THRB: variants seen among roughly 807,000 people sequenced by gnomAD.
THRB encodes nuclear receptor subfamily 1 group A member 2.
A neutral mutation model predicts 47.8 loss-of-function variants in THRB; 12 were observed. That is an observed-to-expected ratio of 0.25 (90% CI 0.16 to 0.41). The LOEUF (loss-of-function observed/expected upper bound fraction) is 0.41, where lower values mean the gene tolerates loss of function less well. Ranked by LOEUF, THRB falls within the 10% of genes least tolerant of loss-of-function variation. THRB has a pLI of 1.00. For synonymous variants in THRB, 218 were observed against 212.2 expected (o/e 1.03, Z -0.24); for missense variants, 348 against 589.2 (o/e 0.59, Z 4.24).
chr3:24,128,258 G>C (rs1233610426), intron 9 of THRB, among the ~76,000 whole-genome samples: 9 of 152,180 alleles, frequency 5.9e-5, no homozygotes, highest in Non-Finnish European at 1.2e-4. Flanking sequence ...CAAAGCTAGA[G>C]GGTTGTTGGC....
chr3:24,362,733 A>G (rs2149665002), intron 1 of THRB, among the ~76,000 whole-genome samples: 1 of 152,316 alleles, frequency 6.6e-6, no homozygotes, highest in Middle Eastern at 3.4e-3. Context: ...AACAACCATA[A>G]GAGATAGGTG....
intron 4 of THRB, among the ~76,000 whole-genome samples, chr3:24,228,252 A>T (rs1490412276): frequency 6.6e-6 from 1 of 152,138 alleles, no homozygotes. Context: ...AAATTGCACA[A>T]AGAATTTGTG....
intron 5 of THRB, 95 bp downstream of exon 5, chr3:24,189,979 T>G: frequency 8.0e-7 from 1 of 1,251,214 alleles, no homozygotes; most frequent in Middle Eastern, 1.9e-4. Flanking sequence ...ACACCATACA[T>G]TGGAAGAGAA....
intron 1 of THRB, among the ~76,000 whole-genome samples, chr3:24,412,993 C>T (rs536059702): frequency 2.6e-5 from 4 of 151,708 alleles, no homozygotes; most frequent in Admixed American, 2.0e-4. Flanking sequence ...CCAAAAAAAA[C>T]TTTAAATACA....
In THRB at chr3:24,296,488, G is replaced by A. The variant is rs535703917; in HGVS notation, c.-43+738C>T. Among the ~76,000 whole-genome samples, 3 of 152,348 alleles carry A rather than the reference G, an allele frequency of 2.0e-5. No homozygotes were observed. In the East Asian group the frequency reaches 5.8e-4, roughly 29 times the overall value. ...GGTGTGACCCCTACTATGTGCCAAG[G>A]CACAGGACTGAGTTCAGAGGCTGAG... On this transcript the variant is annotated intron_variant, in intron 3 of 10. Coordinates refer to ENST00000646209, the MANE Select transcript of THRB (RefSeq NM_001354712.2).
At chr3:24,332,247 C>A (rs2061975890) in intron 2 of THRB, among the ~76,000 whole-genome samples, 1 of 152,152 alleles carries the variant, frequency 6.6e-6, no homozygotes, top group African/African-American at 2.4e-5. Context: ...AGCACCCCAG[C>A]AGTTACCTTG....
At chr3:24,491,497 C>T (rs182220340) in intron 1 of THRB, among the ~76,000 whole-genome samples, 1 of 152,154 alleles carries the variant, frequency 6.6e-6, no homozygotes, top group Non-Finnish European at 1.5e-5. Context: ...TATGAAGCGG[C>T]AAAAGAGGGC....
chr3:24,394,646 G>T (rs1009908852), intron 1 of THRB, among the ~76,000 whole-genome samples: 5 of 152,018 alleles, frequency 3.3e-5, no homozygotes, highest in African/African-American at 1.2e-4. Flanking sequence ...ACTCAAACAG[G>T]CAGGAGCAGA....
chr3:24,266,921 G>C (rs2052721114), intron 3 of THRB, among the ~76,000 whole-genome samples: 1 of 151,998 alleles, frequency 6.6e-6, no homozygotes, highest in African/African-American at 2.4e-5. Flanking sequence ...AAGGAAGAGA[G>C]GGAGGAGAGA....
At chr3:24,425,123 T>C (rs1161747162) in intron 1 of THRB, among the ~76,000 whole-genome samples, 1 of 151,916 alleles carries the variant, frequency 6.6e-6, no homozygotes, top group Non-Finnish European at 1.5e-5. Flanking sequence ...ACATCCATGA[T>C]GCCATTCTTG....
intron 5 of THRB, among the ~76,000 whole-genome samples, chr3:24,169,305 A>G (rs1421670024): frequency 2.0e-5 from 3 of 152,114 alleles, no homozygotes; most frequent in African/African-American, 7.2e-5. Context: ...TTAAAAGACA[A>G]CTGGTGCATT....
intron 1 of THRB, among the ~76,000 whole-genome samples, chr3:24,403,656 T>C (rs1398336472): frequency 6.6e-6 from 1 of 151,886 alleles, no homozygotes; most frequent in Non-Finnish European, 1.5e-5. Flanking sequence ...AAAAACAAAA[T>C]AAGCCAGTTC....
chr3:24,371,453 C>G (rs2064901933), intron 1 of THRB, among the ~76,000 whole-genome samples: 2 of 151,976 alleles, frequency 1.3e-5, no homozygotes, highest in Non-Finnish European at 2.9e-5. Flanking sequence ...TATGTATTAT[C>G]TTATTAATAA....
At chr3:24,390,126 C>T (rs959107151) in intron 1 of THRB, among the ~76,000 whole-genome samples, 2 of 152,124 alleles carry the variant, frequency 1.3e-5, no homozygotes. Flanking sequence ...CCATCTCCCA[C>T]TGATGACAAC....
chr3:24,431,520 G>A (rs890702004), intron 1 of THRB, among the ~76,000 whole-genome samples: 1 of 152,092 alleles, frequency 6.6e-6, no homozygotes, highest in African/African-American at 2.4e-5. Flanking sequence ...GCAAAAAGAA[G>A]CCTAATGCAC....
rs548958418 is a variant in THRB at position 24,206,686 on chromosome 3, C to A, written c.23-16352G>T. ...ACTGAAGGAGATAGAGATACAAAAA[C>A]CCTTCAAAAAATCAATGAATCCAGG... is the stretch of plus-strand genomic sequence containing the variant. On this transcript the variant is annotated intron_variant, in intron 4 of 10. Coordinates refer to ENST00000646209, the MANE Select transcript of THRB (RefSeq NM_001354712.2). Among the ~76,000 whole-genome samples the A allele has an allele frequency of 2.9e-3, 444 of 152,116 alleles. 1 individual carries two copies. The highest frequency in any genetic ancestry group is 0.01 in the African/African-American group (428 of 41,500).
At chr3:24,284,850 A>G (rs1175984953) in intron 3 of THRB, among the ~76,000 whole-genome samples, 1 of 152,200 alleles carries the variant, frequency 6.6e-6, no homozygotes. Context: ...ATCACTGGCC[A>G]TCAGAGAAAT....
intron 1 of THRB, among the ~76,000 whole-genome samples, chr3:24,440,700 A>AT (rs564321951): frequency 7.9e-5 from 12 of 152,198 alleles, no homozygotes; most frequent in East Asian, 7.7e-4. Context: ...TAAAAAGATG[A>AT]TTTTTTTCCC....
intron 5 of THRB, among the ~76,000 whole-genome samples, chr3:24,153,071 C>T (rs891959489): frequency 1.3e-5 from 2 of 151,892 alleles, no homozygotes; most frequent in Non-Finnish European, 2.9e-5. Context: ...GTGACTCAAG[C>T]AGAGAGGCCA....
Sources: gnomAD v4.1 joint callset for allele counts (sites outside exome capture counted in the v4.1 genomes callset) on GRCh38, gnomAD v4.1.1 for gene constraint, MANE v1.5 for transcripts, NCBI Gene and HGNC (gene_info 2026-07-23, HGNC 2026-07-21) for gene names.